The following LHFPL2 variants were observed in gnomAD, a reference collection of about 807,000 sequenced individuals.
LHFPL2 encodes the protein LHFPL tetraspan subfamily member 2.
In LHFPL2, 7 loss-of-function variants were observed where a neutral mutation model predicts 17.5. That is an observed-to-expected ratio of 0.40 (90% confidence interval 0.23 to 0.75). LHFPL2 has a LOEUF of 0.75. LHFPL2 is among the 30% of genes least tolerant of loss of function. The pLI is 0.37. For synonymous variants in LHFPL2, 134 were observed against 116.2 expected, an observed-to-expected ratio of 1.15 and a Z score of -0.99; for missense variants, 241 against 294.8, an observed-to-expected ratio of 0.82 and a Z score of 1.34.
intron 2 of LHFPL2, among the ~76,000 whole-genome samples, chr5:78,611,255 G>T (rs1744414858): frequency 6.6e-6 from 1 of 152,180 alleles, no homozygotes; most frequent in African/African-American, 2.4e-5. Context: ...GTGAACTGTG[G>T]CCCAACTGCA....
chr5:78,563,614 T>C (rs1375748056), intron 3 of LHFPL2, among the ~76,000 whole-genome samples: 2 of 150,154 alleles, frequency 1.3e-5, no homozygotes, highest in Admixed American at 6.7e-5. Context: ...GCCAGGAGAA[T>C]CGCTTGAACC....
At chr5:78,576,187 C>T (rs369855609) in intron 2 of LHFPL2, among the ~76,000 whole-genome samples, 6 of 152,020 alleles carry the variant, frequency 3.9e-5, no homozygotes, top group East Asian at 1.9e-4. Flanking sequence ...CCCAGCTACT[C>T]CGGAGGCTGA....
intron 2 of LHFPL2, among the ~76,000 whole-genome samples, chr5:78,577,543 C>A (rs1017797178): frequency 1.3e-5 from 2 of 152,132 alleles, no homozygotes; most frequent in Admixed American, 6.5e-5. Context: ...CAAAAGTGAA[C>A]GACCAAGAAC....
intron 2 of LHFPL2, among the ~76,000 whole-genome samples, chr5:78,580,828 G>A (rs1308904093): frequency 3.3e-5 from 5 of 152,012 alleles, no homozygotes; most frequent in South Asian, 2.1e-4. Flanking sequence ...TTAGCGATGC[G>A]GGCTCTTTTT....
intron 2 of LHFPL2, among the ~76,000 whole-genome samples, chr5:78,631,935 C>CAAAAA (rs35424661): frequency 3.8e-5 from 4 of 104,566 alleles, no homozygotes; most frequent in African/African-American, 1.0e-4. Context: ...GACTCCATCT[C>CAAAAA]AAAAAAAAAA....
intron 3 of LHFPL2, among the ~76,000 whole-genome samples, chr5:78,555,171 T>A (rs993864012): frequency 2.0e-5 from 3 of 152,342 alleles, no homozygotes; most frequent in Non-Finnish European, 2.9e-5. Context: ...CAAAGCCCTT[T>A]AACTAGAAAG....
At chr5:78,580,725 T>C (rs956164528) in intron 2 of LHFPL2, among the ~76,000 whole-genome samples, 11 of 152,328 alleles carry the variant, frequency 7.2e-5, no homozygotes, top group African/African-American at 2.6e-4. Flanking sequence ...TTGGTACCAG[T>C]ACCATGCTGT....
At chr5:78,505,816 T>C (rs1754915110) in intron 4 of LHFPL2, among the ~76,000 whole-genome samples, 1 of 152,284 alleles carries the variant, frequency 6.6e-6, no homozygotes, top group Non-Finnish European at 1.5e-5. Flanking sequence ...TTAAGCACTA[T>C]GCTTAAGCCT....
At chr5:78,610,041 C>T (rs1016600064) in intron 2 of LHFPL2, among the ~76,000 whole-genome samples, 3 of 152,224 alleles carry the variant, frequency 2.0e-5, no homozygotes, top group Admixed American at 2.0e-4. Context: ...TCAGAGTCAC[C>T]TACCTAGCCT....
intron 3 of LHFPL2, among the ~76,000 whole-genome samples, chr5:78,535,237 T>A (rs1321198765): frequency 1.3e-5 from 2 of 152,016 alleles, no homozygotes; most frequent in African/African-American, 4.8e-5. Flanking sequence ...AGTCCTGAAC[T>A]GGCACTACGC....
At chr5:78,617,797 A>T (rs1161424393) in intron 2 of LHFPL2, among the ~76,000 whole-genome samples, 1 of 152,230 alleles carries the variant, frequency 6.6e-6, no homozygotes, top group African/African-American at 2.4e-5. Flanking sequence ...AGTTGTCATA[A>T]GCAATATTTA....
chr5:78,610,198 A>C (rs747401027), intron 2 of LHFPL2, among the ~76,000 whole-genome samples: 31 of 152,160 alleles, frequency 2.0e-4, no homozygotes, highest in Non-Finnish European at 2.9e-5. Flanking sequence ...ACACTGTAGG[A>C]AAAGAGCCCT....
chr5:78,579,297 T>G (rs1742974919), intron 2 of LHFPL2, among the ~76,000 whole-genome samples: 1 of 151,946 alleles, frequency 6.6e-6, no homozygotes, highest in African/African-American at 2.4e-5. Context: ...GCTAAGATTC[T>G]TAGTGCTCGC....
At chr5:78,562,995 C>T (rs1274475207) in intron 3 of LHFPL2, among the ~76,000 whole-genome samples, 4 of 152,144 alleles carry the variant, frequency 2.6e-5, no homozygotes, top group South Asian at 2.1e-4. Flanking sequence ...CCTCTTCACT[C>T]GGGTTTTCAC....
rs1343447688 is a variant in LHFPL2 at position 78,486,396 on chromosome 5, A to AAAAT, written c.*2497_*2500dup. 11 of 152,194 alleles carry AAAAT rather than the reference A, an allele frequency of 7.2e-5. No homozygotes were observed. Among genetic ancestry groups the AAAAT allele is most frequent in the East Asian group, 1.9e-4 (1 of 5,202 alleles). 9.4% of individuals were successfully genotyped at this position (152,194 alleles called of 1,614,324 possible). The stretch of plus-strand genomic sequence containing the variant: ...AGTAATAATGGTCCTATTTATTAGA[A>AAAAT]AAATAAGTGTGAGCCAACAATCTAT... On this transcript the variant is annotated 3_prime_UTR_variant, in exon 5 of 5. Coordinates refer to ENST00000380345, the MANE Select transcript of LHFPL2 (RefSeq NM_005779.3).
chr5:78,575,267 G>A (rs566414438), intron 2 of LHFPL2, among the ~76,000 whole-genome samples: 4 of 152,312 alleles, frequency 2.6e-5, no homozygotes, highest in Non-Finnish European at 5.9e-5. Context: ...CCACATGGAG[G>A]GCCAGGCACA....
chr5:78,500,828 T>C lies in LHFPL2; in HGVS notation c.430+8956A>G, dbSNP rs148887069. ...TCAGTGATGACCAGTTCTGAAGTGA[T>C]TCTTCAGATGATGGCTCATCAGTTA... On this transcript the variant is annotated intron_variant, in intron 4 of 4. Transcript: ENST00000380345. Among the ~76,000 whole-genome samples the C allele has an allele frequency of 4.6e-5, 7 of 152,294 alleles. No individual in the cohort carries two copies. The East Asian group carries it at 1.4e-3, about 29-fold the overall frequency.
intron 2 of LHFPL2, among the ~76,000 whole-genome samples, chr5:78,587,783 T>C (rs1380500235): frequency 2.0e-5 from 3 of 152,228 alleles, no homozygotes; most frequent in East Asian, 3.8e-4. Flanking sequence ...CCGATTAGCA[T>C]TGGTCTGAAG....
At chr5:78,630,085 C>G (rs911059199) in intron 2 of LHFPL2, among the ~76,000 whole-genome samples, 1 of 152,228 alleles carries the variant, frequency 6.6e-6, no homozygotes, top group Non-Finnish European at 1.5e-5. Context: ...CCTGAACACA[C>G]ACCTCGTGAG....
Sources: gnomAD v4.1 joint callset for allele counts (sites outside exome capture counted in the v4.1 genomes callset) on GRCh38, gnomAD v4.1.1 for gene constraint, MANE v1.5 for transcripts, NCBI Gene and HGNC (gene_info 2026-07-23, HGNC 2026-07-21) for gene names.